Variants in C1QTNF3 observed in about 807,000 individuals in gnomAD.
The protein encoded by C1QTNF3 is C1q and TNF related 3, also known as complement C1q tumor necrosis factor-related protein 3.
A neutral mutation model predicts 32.6 loss-of-function variants in C1QTNF3; 26 were observed. The observed-to-expected ratio is 0.80, with a 90% CI of 0.58 to 1.11. The LOEUF (loss-of-function observed/expected upper bound fraction) is 1.11, where lower values mean the gene tolerates loss of function less well. C1QTNF3 is among the 50% of genes least tolerant of loss of function. C1QTNF3 has a pLI of 0.00. For synonymous variants in C1QTNF3, 155 were observed against 146.0 expected, an observed-to-expected ratio of 1.06 and a Z score of -0.44; for missense variants, 362 against 398.2, an observed-to-expected ratio of 0.91 and a Z score of 0.77.
the C1QTNF3 span, among the ~76,000 whole-genome samples, chr5:34,220,673 A>G: frequency 9.3e-4 from 142 of 152,210 alleles, 1 homozygote; most frequent in African/African-American, 3.3e-3. Context: ...TATCGTTGCT[A>G]TCTACTCCTC....
intron 4 of C1QTNF3, among the ~76,000 whole-genome samples, chr5:34,026,456 C>CAA (rs11335593): frequency 2.2e-4 from 20 of 92,756 alleles, no homozygotes; most frequent in East Asian, 2.8e-4. Flanking sequence ...AATCTGCCAG[C>CAA]AAAAAAAAAA....
At chr5:34,075,336 G>A in the C1QTNF3 span, among the ~76,000 whole-genome samples, 1 of 151,560 alleles carries the variant, frequency 6.6e-6, no homozygotes, top group Non-Finnish European at 1.5e-5. Context: ...TAATTCACAA[G>A]AGTTAAAAAT....
At chr5:34,146,051 C>T in the C1QTNF3 span, among the ~76,000 whole-genome samples, 3 of 152,250 alleles carry the variant, frequency 2.0e-5, no homozygotes, top group Middle Eastern at 3.4e-3. Flanking sequence ...GCCAACATCA[C>T]ACCAAATAGG....
At chr5:34,227,309 A>G in the C1QTNF3 span, among the ~76,000 whole-genome samples, 1 of 151,266 alleles carries the variant, frequency 6.6e-6, no homozygotes, top group Non-Finnish European at 1.5e-5. Context: ...TGCAGTTATG[A>G]TTTACTTTTG....
chr5:34,177,287 A>G, the C1QTNF3 span, among the ~76,000 whole-genome samples: 1 of 152,148 alleles, frequency 6.6e-6, no homozygotes, highest in South Asian at 2.1e-4. Flanking sequence ...CATTTCAGAC[A>G]GTGCAGACAT....
chr5:34,117,582 G>T, the C1QTNF3 span, among the ~76,000 whole-genome samples: 2 of 151,848 alleles, frequency 1.3e-5, no homozygotes, highest in African/African-American at 4.8e-5. Context: ...GATCACTTGA[G>T]GTCAGGAGTT....
chr5:34,213,808 TA>T, the C1QTNF3 span, among the ~76,000 whole-genome samples: 724 of 5,544 alleles, frequency 0.13, 30 homozygotes, highest in South Asian at 0.31. Flanking sequence ...TATATATATA[TA>T]TTTTTTTTTT....
the C1QTNF3 span, among the ~76,000 whole-genome samples, chr5:34,195,471 A>G: frequency 6.6e-6 from 1 of 150,958 alleles, no homozygotes; most frequent in African/African-American, 2.4e-5. Flanking sequence ...AAAGAAACCT[A>G]TCAGATTTAC....
chr5:34,038,300 A>G (rs1754789130), intron 1 of C1QTNF3, among the ~76,000 whole-genome samples: 2 of 152,206 alleles, frequency 1.3e-5, no homozygotes, highest in Admixed American at 6.5e-5. Flanking sequence ...AAGGCTCTGC[A>G]GAGCAGGACA....
At chr5:34,064,309 C>A in the C1QTNF3 span, among the ~76,000 whole-genome samples, 1 of 152,180 alleles carries the variant, frequency 6.6e-6, no homozygotes, top group Non-Finnish European at 1.5e-5. Context: ...ATAGGATGGT[C>A]TTTGTTCTTA....
intron 3 of C1QTNF3, among the ~76,000 whole-genome samples, chr5:34,029,287 A>T (rs1187485410): frequency 6.6e-6 from 1 of 152,130 alleles, no homozygotes; most frequent in Non-Finnish European, 1.5e-5. Flanking sequence ...TTTCCCGAAA[A>T]GATACCTATT....
the C1QTNF3 span, among the ~76,000 whole-genome samples, chr5:34,141,794 G>A: frequency 1.3e-5 from 2 of 152,110 alleles, no homozygotes; most frequent in Admixed American, 1.3e-4. Context: ...CAAAAGCTCA[G>A]AGTGTCTGGG....
At chr5:34,104,166 A>C in the C1QTNF3 span, among the ~76,000 whole-genome samples, 3 of 90,766 alleles carry the variant, frequency 3.3e-5, no homozygotes, top group Non-Finnish European at 6.6e-5. Context: ...TTCATGTCAT[A>C]AGAAACTATT....
chr5:34,060,013 C>T, the C1QTNF3 span, among the ~76,000 whole-genome samples: 5 of 152,160 alleles, frequency 3.3e-5, no homozygotes, highest in Non-Finnish European at 7.3e-5. Context: ...TTCCTCAGGA[C>T]CTGATTGCAG....
chr5:34,037,806 A>C (rs1260657129), intron 1 of C1QTNF3, among the ~76,000 whole-genome samples: 1 of 152,226 alleles, frequency 6.6e-6, no homozygotes, highest in Non-Finnish European at 1.5e-5. Context: ...TTGGAAAGTC[A>C]AAGACACCAC....
the C1QTNF3 span, among the ~76,000 whole-genome samples, chr5:34,233,172 T>A: frequency 8.0e-5 from 12 of 150,190 alleles, no homozygotes; most frequent in African/African-American, 2.9e-4. Flanking sequence ...GTTTTCTTAG[T>A]ATATTATAAA....
the C1QTNF3 span, among the ~76,000 whole-genome samples, chr5:34,115,729 T>TAA: frequency 7.0e-6 from 1 of 142,998 alleles, no homozygotes; most frequent in Non-Finnish European, 1.5e-5. Flanking sequence ...AGACTCTGTG[T>TAA]CAAAAAAAAA....
At chr5:34,219,993 G>A in the C1QTNF3 span, 1 of 152,066 alleles carries the variant, frequency 6.6e-6, no homozygotes, top group East Asian at 1.9e-4. Context: ...ATTGCACAGT[G>A]TTAGTTATGT....
chr5:34,102,764 A>T, the C1QTNF3 span, among the ~76,000 whole-genome samples: 2,378 of 132,030 alleles, frequency 0.018, no homozygotes, highest in East Asian at 0.087. Flanking sequence ...CAAACACTGC[A>T]TGTTCTCACT....
Sources: gnomAD v4.1 joint callset for allele counts (sites outside exome capture counted in the v4.1 genomes callset) on GRCh38, gnomAD v4.1.1 for gene constraint, MANE v1.5 for transcripts, NCBI Gene and HGNC (gene_info 2026-07-23, HGNC 2026-07-21) for gene names.